The following DDOST variants were observed in gnomAD, a reference collection of about 807,000 sequenced individuals.
The protein encoded by DDOST is dolichyl-diphosphooligosaccharide--protein glycosyltransferase non-catalytic subunit.
A neutral mutation model predicts 47.6 loss-of-function variants in DDOST; 25 were observed. That is an observed-to-expected ratio of 0.53 (90% CI 0.38 to 0.73). The LOEUF (loss-of-function observed/expected upper bound fraction) is 0.73, where lower values mean the gene tolerates loss of function less well. Ranked by LOEUF, DDOST falls within the 30% of genes least tolerant of loss-of-function variation. DDOST has a pLI of 0.00. For missense variants in DDOST, 526 were observed against 573.9 expected, an observed-to-expected ratio of 0.92 and a Z score of 0.85; for synonymous variants, 275 against 236.0, an observed-to-expected ratio of 1.17 and a Z score of -1.51.
rs149487745 is a variant in DDOST, at chr1:20,655,484, G to A, written c.507C>T (p.Ile169=). 17 of 1,613,890 alleles carry A rather than the reference G, an allele frequency of 1.1e-5. No homozygotes were observed. The highest frequency in any genetic ancestry group is 1.3e-5 in the Non-Finnish European group (15 of 1,179,948). The change falls in exon 5 of 11, where the codon ATC becomes ATT. Residue 169 remains isoleucine, a synonymous_variant. Coordinates refer to ENST00000602624, the MANE Select transcript of DDOST (RefSeq NM_005216.5). ...DTENLLKAPT[I]VGKSSLNPIL... ...TGGGATTTAGAGATGATTTCCCAAC[G>A]ATGGTTGGGGCCTTCAGCAGGTTCT...
rs150936849 is a variant in DDOST at position 20,661,242 on chromosome 1, G to A, written c.109C>T (p.Leu37Phe). 5.0e-6 allele frequency: 8 copies of A among 1,614,092 alleles called. No homozygotes were observed. Among genetic ancestry groups the A allele is most frequent in the African/African-American group, 2.7e-5 (2 of 75,074 alleles). The change falls in exon 1 of 11, where the codon CTC becomes TTC. Residue 37 changes from leucine to phenylalanine, a missense_variant. Physicochemically the swap from Leu to Phe is conservative, Grantham distance 22. Coordinates refer to ENST00000602624, the MANE Select transcript of DDOST (RefSeq NM_005216.5). ...GPRTLVLLDN[L>F]NVRETHSLFF... ...AGCGAATGAGTCTCCCGCACGTTGA[G>A]GTTGTCCAGCAGCACTAAGGTGCGG...
At chr1:20,654,556 C>G in intron 6 of DDOST, 58 bp downstream of exon 6, 1 of 1,477,512 alleles carries the variant, frequency 6.8e-7, no homozygotes, top group South Asian at 1.2e-5. Flanking sequence ...TCGCCTCAGC[C>G]AAATGTGCTG....
rs1437034082 is a variant in DDOST, at chr1:20,656,170, T to C, written c.283A>G (p.Asn95Asp). The stretch of plus-strand genomic sequence containing the variant: ...ATAAAGGCACTGATGGTCTCCACGT[T>C]GATGTTGCCTCCAAAATCTGAAAGC... ...PSVEDFGGNI[N>D]VETISAFIDG... Residue 95 changes from asparagine (N) to aspartate (D), a missense_variant, in exon 3 of 11, where the codon AAC (asparagine) becomes GAC (aspartate). Coordinates refer to ENST00000602624, the MANE Select transcript of DDOST (RefSeq NM_005216.5). The C allele has an allele frequency of 1.9e-6, 3 of 1,613,982 alleles. No individual in the cohort carries two copies. Among genetic ancestry groups the C allele is most frequent in the Non-Finnish European group, 2.5e-6 (3 of 1,179,972 alleles).
intron 2 of DDOST, among the ~76,000 whole-genome samples, chr1:20,657,024 T>C (rs2053381739): frequency 6.6e-6 from 1 of 152,134 alleles, no homozygotes; most frequent in African/African-American, 2.4e-5. Flanking sequence ...GTGGACAATG[T>C]GGGAGGGGAG....
intron 6 of DDOST, 79 bp downstream of exon 6, chr1:20,654,535 A>T: frequency 1.4e-6 from 2 of 1,403,424 alleles, no homozygotes; most frequent in Non-Finnish European, 2.0e-6. Flanking sequence ...CCCACCAACT[A>T]GTCATTTCCT....
Position 20,660,907 on chromosome 1 carries a change from A to C in DDOST, c.239T>G (p.Leu80Arg). The change falls in exon 2 of 11, where the codon CTC (leucine) becomes CGC (arginine). Residue 80 changes from leucine to arginine, a missense_variant. Leu to Arg is a moderately radical substitution (Grantham distance 102). Coordinates refer to ENST00000602624, the MANE Select transcript of DDOST (RefSeq NM_005216.5). ...TTCTACCGAAGGGGAGAAAATGATGAGATTGTCATAGAGGAATTCCCCATA... is the reference window on the plus strand; with the variant it reads ...TTCTACCGAAGGGGAGAAAATGATGCGATTGTCATAGAGGAATTCCCCATA... ...IKYGEFLYDNLIIFSPSVEDF... is the reference protein window; with the variant it reads ...IKYGEFLYDNRIIFSPSVEDF... 6.2e-7 allele frequency: 1 copy of C among 1,611,566 alleles called. No homozygotes were observed. The highest frequency in any genetic ancestry group is 8.5e-7 in the Non-Finnish European group (1 of 1,177,696).
rs751328230 is a variant in DDOST, at chr1:20,652,517, C to T, written c.1182G>A (p.Arg394=). Residue 394 remains arginine (R), a synonymous_variant, in exon 11 of 11, where the codon CGG becomes CGA. Transcript: ENST00000602624. The part of the protein sequence containing the change: ...HLYSSTQVSV[R]PLQHTQYERF... ...GCTCATACTGCGTGTGCTGGAGTGG[C>T]CGCACGGATACCTGCAGGAGGACAG... 6.2e-7 allele frequency: 1 copy of T among 1,613,980 alleles called. No homozygotes were observed.
At chr1:20,653,469 C>G (rs1329157423) in intron 8 of DDOST, among the ~76,000 whole-genome samples, 158 bp downstream of exon 8, 1 of 152,224 alleles carries the variant, frequency 6.6e-6, no homozygotes, top group Non-Finnish European at 1.5e-5. Context: ...TCACGCCAGG[C>G]TCTGCATCTC....
At chr1:20,654,120 T>C (rs2053334295) in intron 7 of DDOST, 103 bp downstream of exon 7, 2 of 1,354,732 alleles carry the variant, frequency 1.5e-6, no homozygotes, top group African/African-American at 1.5e-5. Flanking sequence ...ACTCAGCCTC[T>C]GACACTTTTA....
chr1:20,655,171 G>GTTTTTTTTT (rs869053335), intron 5 of DDOST, among the ~76,000 whole-genome samples: 1 of 77,214 alleles, frequency 1.3e-5, no homozygotes, highest in Non-Finnish European at 2.7e-5. Flanking sequence ...ACTTTTTTTT[G>GTTTTTTTTT]TTTTTTTTTT....
At chr1:20,654,590 G>A in intron 6 of DDOST, 24 bp downstream of exon 6, 1 of 1,535,562 alleles carries the variant, frequency 6.5e-7, no homozygotes, top group Non-Finnish European at 8.8e-7. Flanking sequence ...TTATTTCGAA[G>A]CCTCAAGGTT....
Position 20,653,617 on chromosome 1 carries a change from C to T in DDOST, c.942+10G>A. 1.9e-6 allele frequency: 3 copies of T among 1,574,944 alleles called. No homozygotes were observed. The South Asian group carries it at 3.4e-5, about 18-fold the overall frequency. On this transcript the variant is annotated intron_variant, in intron 8 of 10. Coordinates refer to ENST00000602624, the MANE Select transcript of DDOST (RefSeq NM_005216.5). ...ACCCTTTGGGCCCTCCCACCCCAAA[C>T]ATCTCTTACCACTAGGTCAGTGACA...
chr1:20,655,332 A>G, intron 5 of DDOST, 108 bp downstream of exon 5: 1 of 790,450 alleles, frequency 1.3e-6, no homozygotes, highest in Middle Eastern at 2.4e-4. Context: ...AATTAATCCC[A>G]TCTACGTACC....
Position 20,654,379 on chromosome 1 carries a change from C to A in DDOST, c.646-8G>T. 1 of 1,552,420 alleles carries A rather than the reference C, an allele frequency of 6.4e-7. No homozygotes were observed. ...CCCCACCGCATGTGGATACTGGGAA[C>A]AAAACGAGGCTGTGACCCAAGCAGT... On this transcript the variant is annotated splice_polypyrimidine_tract_variant and splice_region_variant and intron_variant, in intron 6 of 10. Coordinates refer to ENST00000602624, the MANE Select transcript of DDOST (RefSeq NM_005216.5).
At position 20,654,151 on chromosome 1, in the gene DDOST, C is replaced by G. The variant is rs1388541705; in HGVS notation, c.794+72G>C. The G allele has an allele frequency of 2.7e-6, 4 of 1,503,468 alleles. No homozygotes were observed. The African/African-American group carries it at 5.6e-5, about 21-fold the overall frequency. The allele number at this position is 1,503,468 out of a possible 1,614,324, so 93.1% of individuals were successfully genotyped here. A position where few individuals can be genotyped will look rare whatever the true frequency, so the allele number is the denominator to read the frequency against. ...TTTTAGCTAAAAGCCTCCTTCTTCC[C>G]CTTCTGAGTCCTCCCCATATACACA... On this transcript the variant is annotated intron_variant, in intron 7 of 10. Coordinates refer to ENST00000602624, the MANE Select transcript of DDOST (RefSeq NM_005216.5).
Position 20,652,969 on chromosome 1 carries a change from C to G in DDOST, c.945G>C (p.Glu315Asp). ...PNAYTVTDLV[E>D]YSIVIQQLSN... ...AGAGCTGCTGGATCACGATGCTATA[C>G]TCCTGAGATAAAAGGCCAGGTTAGC... is the stretch of plus-strand genomic sequence containing the variant. Residue 315 changes from glutamate to aspartate, a missense_variant and splice_region_variant, in exon 9 of 11, where the codon GAG becomes GAC. Coordinates refer to ENST00000602624, the MANE Select transcript of DDOST (RefSeq NM_005216.5). The G allele has an allele frequency of 1.2e-6, 2 of 1,614,224 alleles. No individual in the cohort carries two copies. The highest frequency in any genetic ancestry group is 1.7e-6 in the Non-Finnish European group (2 of 1,180,038).
intron 5 of DDOST, 27 bp downstream of exon 5, chr1:20,655,413 C>T (rs756270668): frequency 9.0e-6 from 14 of 1,558,372 alleles, no homozygotes; most frequent in Non-Finnish European, 1.2e-5. Context: ...CAGGTTTCTG[C>T]TGTCCTCTCC....
chr1:20,652,527 A>C lies in DDOST; in HGVS notation c.1172T>G (p.Val391Gly). 1 of 1,613,972 alleles carries C rather than the reference A, an allele frequency of 6.2e-7. No homozygotes were observed. Among genetic ancestry groups the C allele is most frequent in the Non-Finnish European group, 8.5e-7 (1 of 1,179,954 alleles). ...GYTHLYSSTQ[V>G]SVRPLQHTQY... ...CGTGTGCTGGAGTGGCCGCACGGAT[A>C]CCTGCAGGAGGACAGAGGTGGCAGG... The change falls in exon 11 of 11, where the codon GTA (valine) becomes GGA (glycine). Residue 391 changes from valine (V) to glycine (G), a missense_variant and splice_region_variant. Coordinates refer to ENST00000602624, the MANE Select transcript of DDOST (RefSeq NM_005216.5).
Position 20,654,320 on chromosome 1 carries a change from T to C in DDOST, c.697A>G (p.Arg233Gly). Reference protein sequence around the residue: ...NTLLIAGLQARNNARVIFSGS... With the variant: ...NTLLIAGLQAGNNARVIFSGS... ...CTGAAGATGACGCGGGCATTGTTCC[T>C]GGCCTGGAGCCCAGCAATGAGGAGG... is the stretch of plus-strand genomic sequence containing the variant. Residue 233 changes from arginine (R) to glycine (G), a missense_variant, in exon 7 of 11, where the codon AGG becomes GGG. Transcript: ENST00000602624. 6.4e-7 allele frequency: 1 copy of C among 1,556,188 alleles called. No homozygotes were observed. Among genetic ancestry groups the C allele is most frequent in the South Asian group, 1.2e-5 (1 of 84,394 alleles).
Sources: gnomAD v4.1 joint callset for allele counts (sites outside exome capture counted in the v4.1 genomes callset) on GRCh38, gnomAD v4.1.1 for gene constraint, MANE v1.5 for transcripts, NCBI Gene and HGNC (gene_info 2026-07-23, HGNC 2026-07-21) for gene names.